Variants in ADAMTS16 observed in about 807,000 individuals in gnomAD.
ADAMTS16 encodes the protein A disintegrin and metalloproteinase with thrombospondin motifs 16.
A neutral mutation model predicts 145.8 loss-of-function variants in ADAMTS16; 94 were observed. The observed-to-expected ratio is 0.64, with a 90% CI of 0.55 to 0.77. ADAMTS16 has a LOEUF of 0.77. Among genes scored for constraint, ADAMTS16 ranks in the 30% least tolerant of loss-of-function variants. The pLI is 0.00. For synonymous variants in ADAMTS16, 659 were observed against 604.3 expected (o/e 1.09, Z -1.33); for missense variants, 1,585 against 1,591.5 (o/e 1.00, Z 0.07).
chr5:5,178,993 G>C (rs183026406), intron 3 of ADAMTS16, among the ~76,000 whole-genome samples: 1 of 152,106 alleles, frequency 6.6e-6, no homozygotes, highest in East Asian at 1.9e-4. Flanking sequence ...TGAATTATCA[G>C]AAGGAAAGCA....
At chr5:5,246,104 G>GT (rs1183677044) in intron 17 of ADAMTS16, among the ~76,000 whole-genome samples, 1 of 152,166 alleles carries the variant, frequency 6.6e-6, no homozygotes, top group Non-Finnish European at 1.5e-5. Flanking sequence ...CAAAACATCA[G>GT]TTTTTTCTCA....
At chr5:5,245,870 T>A (rs1579338463) in intron 17 of ADAMTS16, among the ~76,000 whole-genome samples, 1 of 152,314 alleles carries the variant, frequency 6.6e-6, no homozygotes, top group East Asian at 1.9e-4. Context: ...CTCCTCTCAC[T>A]TTTATGACAT....
chr5:5,263,600 C>T (rs1738116261), intron 18 of ADAMTS16, among the ~76,000 whole-genome samples: 2 of 152,218 alleles, frequency 1.3e-5, no homozygotes, highest in South Asian at 4.1e-4. Context: ...TCTGAAGACA[C>T]AGGAGCAAGC....
intron 10 of ADAMTS16, among the ~76,000 whole-genome samples, chr5:5,212,432 T>A (rs1054605969): frequency 5.3e-5 from 8 of 152,046 alleles, no homozygotes; most frequent in Non-Finnish European, 8.8e-5. Flanking sequence ...ATGGTCTCGA[T>A]CTGACATCAT....
chr5:5,156,088 G>C (rs940228066), intron 3 of ADAMTS16, among the ~76,000 whole-genome samples: 38 of 152,206 alleles, frequency 2.5e-4, no homozygotes, highest in African/African-American at 8.7e-4. Context: ...ACCTTCCTTA[G>C]ACTGTCCGCA....
At chr5:5,219,624 C>T (rs1383855463) in intron 10 of ADAMTS16, among the ~76,000 whole-genome samples, 2 of 152,184 alleles carry the variant, frequency 1.3e-5, no homozygotes, top group Admixed American at 6.5e-5. Context: ...TGTTGAAAGA[C>T]AATACCGTGG....
At chr5:5,260,004 T>G (rs971621971) in intron 17 of ADAMTS16, among the ~76,000 whole-genome samples, 7 of 152,244 alleles carry the variant, frequency 4.6e-5, no homozygotes, top group African/African-American at 1.7e-4. Context: ...TTGATTTTCC[T>G]AAATTGATCT....
At chr5:5,182,783 C>CT (rs57501841) in intron 4 of ADAMTS16, among the ~76,000 whole-genome samples, 38,862 of 152,052 alleles carry the variant, frequency 0.26, 5,457 homozygotes, top group African/African-American at 0.38. Context: ...TTATCAGAGT[C>CT]TTTTTTTGTC....
chr5:5,290,613 G>T (rs986440637), intron 18 of ADAMTS16, among the ~76,000 whole-genome samples: 1 of 152,096 alleles, frequency 6.6e-6, no homozygotes, highest in East Asian at 1.9e-4. Context: ...CCGAGCCTTT[G>T]TACTCCAGCC....
intron 3 of ADAMTS16, among the ~76,000 whole-genome samples, chr5:5,174,833 G>A (rs147375789): frequency 7.5e-4 from 114 of 152,100 alleles, no homozygotes; most frequent in African/African-American, 2.6e-3. Flanking sequence ...TATCTGATAG[G>A]TACTGCCTGG....
chr5:5,239,509 T>G (rs1460485390), intron 15 of ADAMTS16, among the ~76,000 whole-genome samples, 172 bp from the exon 16 acceptor site: 1 of 152,222 alleles, frequency 6.6e-6, no homozygotes, highest in Non-Finnish European at 1.5e-5. Flanking sequence ...CTGCTCCAAT[T>G]GATAAAAAGC....
rs1222810758 is a variant in ADAMTS16 at position 5,276,139 on chromosome 5, G to A, written c.2789+13356G>A. On this transcript the variant is annotated intron_variant, in intron 18 of 22. Coordinates refer to ENST00000274181, the MANE Select transcript of ADAMTS16 (RefSeq NM_139056.4). ...CTCCCAAACTGCTGGGATTACAGGT[G>A]TGAGCCACAGTGCCCGGCCAAACCT... Among the ~76,000 whole-genome samples the A allele has an allele frequency of 2.0e-5, 3 of 152,050 alleles. 1 individual carries two copies. Among genetic ancestry groups the A allele is most frequent in the African/African-American group, 4.8e-5 (2 of 41,444 alleles).
intron 21 of ADAMTS16, among the ~76,000 whole-genome samples, chr5:5,309,279 G>A (rs1025413161): frequency 8.5e-5 from 13 of 152,112 alleles, no homozygotes; most frequent in African/African-American, 9.7e-5. Context: ...ACACTTCTTC[G>A]TTCTCATGGC....
intron 9 of ADAMTS16, among the ~76,000 whole-genome samples, chr5:5,207,314 G>A (rs1736155405): frequency 6.6e-6 from 1 of 152,040 alleles, no homozygotes; most frequent in Non-Finnish European, 1.5e-5. Flanking sequence ...TAAATGACAT[G>A]TTTCTAATTT....
chr5:5,168,568 ATAT>A (rs1350656530), intron 3 of ADAMTS16, among the ~76,000 whole-genome samples: 4 of 121,542 alleles, frequency 3.3e-5, no homozygotes, highest in Non-Finnish European at 6.7e-5. Flanking sequence ...TTTTTTTATT[ATAT>A]TATTATATAT....
At chr5:5,308,327 G>T (rs574655480) in intron 21 of ADAMTS16, among the ~76,000 whole-genome samples, 1 of 152,216 alleles carries the variant, frequency 6.6e-6, no homozygotes, top group Non-Finnish European at 1.5e-5. Context: ...CACAGTGTAC[G>T]TACAGCCTTC....
At chr5:5,282,108 A>G (rs1018362378) in intron 18 of ADAMTS16, among the ~76,000 whole-genome samples, 1 of 98,952 alleles carries the variant, frequency 1.0e-5, no homozygotes, top group African/African-American at 3.5e-5. Flanking sequence ...TTGGGAGATA[A>G]ACTGTTTGGT....
chr5:5,286,883 A>AAAT lies in ADAMTS16; in HGVS notation c.2790-16385_2790-16384insAAT. ...AAAAAAAAAAAAAAAAAAAAAAAAAAGAGTTTTTATAACCCTTTAGTATGT... is the reference window on the plus strand; with the variant it reads ...AAAAAAAAAAAAAAAAAAAAAAAAAAAATGAGTTTTTATAACCCTTTAGTATGT... On this transcript the variant is annotated intron_variant, in intron 18 of 22. Coordinates refer to ENST00000274181, the MANE Select transcript of ADAMTS16 (RefSeq NM_139056.4). Among the ~76,000 whole-genome samples, 2 of 122,612 alleles carry AAAT rather than the reference A, an allele frequency of 1.6e-5. 1 individual carries two copies. The highest frequency in any genetic ancestry group is 6.0e-5 in the African/African-American group (2 of 33,272). 80.4% of individuals were successfully genotyped at this position (122,612 alleles called of 152,430 possible).
intron 2 of ADAMTS16, 32 bp from the exon 3 acceptor site, chr5:5,146,098 G>A (rs376209147): frequency 2.5e-6 from 4 of 1,576,622 alleles, no homozygotes; most frequent in Non-Finnish European, 1.7e-6. Flanking sequence ...ATTCCGAAAT[G>A]ACTCAGCCTC....
Sources: gnomAD v4.1 joint callset for allele counts (sites outside exome capture counted in the v4.1 genomes callset) on GRCh38, gnomAD v4.1.1 for gene constraint, MANE v1.5 for transcripts, NCBI Gene and HGNC (gene_info 2026-07-23, HGNC 2026-07-21) for gene names.